BLM: variants seen among roughly 807,000 people sequenced by gnomAD.
The protein encoded by BLM is BLM RecQ like helicase.
BLM carries 95 observed loss-of-function variants against 135.3 expected under a neutral mutation model. The ratio of observed to expected loss-of-function variants is 0.70; its 90% CI spans 0.59 to 0.83. The LOEUF (loss-of-function observed/expected upper bound fraction) is 0.83, where lower values mean the gene tolerates loss of function less well. BLM is among the 40% of genes least tolerant of loss of function. BLM has a pLI of 0.00. For missense variants in BLM, 1,518 were observed against 1,663.9 expected (o/e 0.91, Z 1.53); for synonymous variants, 520 against 589.2 (o/e 0.88, Z 1.70).
chr15:90,794,319 C>G lies in BLM; in HGVS notation c.3172C>G (p.His1058Asp), dbSNP rs1351087442. 1.9e-6 allele frequency: 3 copies of G among 1,604,250 alleles called. No individual in the cohort carries two copies. The highest frequency in any genetic ancestry group is 2.6e-6 in the Non-Finnish European group (3 of 1,175,526). ...ATTTAATCCTGATTTTTGTAAGAAA[C>G]ACCCAGATGTTTCTTGTGATAATTG... ...NGFNPDFCKK[H>D]PDVSCDNCCK... The change falls in exon 16 of 22, where the codon CAC (histidine) becomes GAC (aspartate). Residue 1058 changes from histidine (H) to aspartate (D), a missense_variant. Physicochemically the swap from His to Asp is moderately conservative, Grantham distance 81 (BLOSUM62 -1). Transcript: ENST00000355112.
At position 90,769,175 on chromosome 15, in the gene BLM, T is replaced by A. The variant is rs779746222; in HGVS notation, c.2350T>A (p.Tyr784Asn). 1.2e-6 allele frequency: 2 copies of A among 1,613,706 alleles called. No individual in the cohort carries two copies. The highest frequency in any genetic ancestry group is 4.5e-5 in the East Asian group (2 of 44,880). Residue 784 changes from tyrosine (Y) to asparagine (N), a missense_variant, in exon 11 of 22, where the codon TAT (tyrosine) becomes AAT (asparagine). Physicochemically the swap from Tyr to Asn is moderately radical, Grantham distance 143. This residue lies in a region of BLM where 626 missense variants were observed against 681.1 expected (regional missense o/e 0.92). Transcript: ENST00000355112. Reference protein sequence around the residue: ...NRLISTLENLYERKLLARFVI... With the variant: ...NRLISTLENLNERKLLARFVI... ...ACTCATTTCTACTCTGGAGAATCTC[T>A]ATGAGAGGAAGCTCTTGGCACGTTT...
At chr15:90,779,814 C>G (rs1031831248) in intron 12 of BLM, among the ~76,000 whole-genome samples, 6 of 152,158 alleles carry the variant, frequency 3.9e-5, no homozygotes, top group African/African-American at 1.4e-4. Context: ...CCTAGTTATT[C>G]TTCACCCTTA....
intron 17 of BLM, among the ~76,000 whole-genome samples, chr15:90,801,156 A>T (rs1224168056): frequency 1.8e-5 from 1 of 56,516 alleles, no homozygotes; most frequent in Non-Finnish European, 5.1e-5. Context: ...CTCAAAAAAA[A>T]AAAAGTTGTA....
At position 90,776,288 on chromosome 15, in the gene BLM, G is replaced by A. The variant is rs80265824; in HGVS notation, c.2556-6534G>A. On this transcript the variant is annotated intron_variant, in intron 12 of 21. Coordinates refer to ENST00000355112, the MANE Select transcript of BLM (RefSeq NM_000057.4). ...TCTGGGAAAATAAGCAAGATCAATCGTTATTCACTTTACTTTTTCTAGGAA... is the reference window on the plus strand; with the variant it reads ...TCTGGGAAAATAAGCAAGATCAATCATTATTCACTTTACTTTTTCTAGGAA... 7.8e-3 allele frequency among the ~76,000 whole-genome samples: 1,193 copies of A among 152,118 alleles called. 18 individuals carry two copies. Among genetic ancestry groups the A allele is most frequent in the African/African-American group, 0.027 (1,136 of 41,480 alleles).
At chr15:90,766,191 A>G (rs1276213189) in intron 9 of BLM, among the ~76,000 whole-genome samples, 1 of 152,162 alleles carries the variant, frequency 6.6e-6, no homozygotes, top group Non-Finnish European at 1.5e-5. Context: ...TTTCTTCCAA[A>G]GAATGTCTTA....
chr15:90,787,813 G>A (rs1021977981), intron 14 of BLM, among the ~76,000 whole-genome samples: 6 of 152,074 alleles, frequency 3.9e-5, no homozygotes, highest in African/African-American at 1.4e-4. Flanking sequence ...AGCCGGACGT[G>A]GTGATGGGCA....
At chr15:90,799,910 T>A (rs1443607724) in intron 17 of BLM, among the ~76,000 whole-genome samples, 1 of 152,144 alleles carries the variant, frequency 6.6e-6, no homozygotes, top group Admixed American at 6.6e-5. Context: ...GGGGCACTTA[T>A]GGAAAAACAA....
At chr15:90,750,760 T>A (rs1365313802) in intron 3 of BLM, among the ~76,000 whole-genome samples, 1 of 152,252 alleles carries the variant, frequency 6.6e-6, no homozygotes, top group African/African-American at 2.4e-5. Context: ...ATAATTGTGC[T>A]ATTTCATTAG....
At chr15:90,766,239 A>G (rs1896122916) in intron 9 of BLM, among the ~76,000 whole-genome samples, 1 of 152,196 alleles carries the variant, frequency 6.6e-6, no homozygotes, top group African/African-American at 2.4e-5. Context: ...CATTTGTCAT[A>G]TTATGGCCCC....
At chr15:90,775,759 G>T (rs948200290) in intron 12 of BLM, among the ~76,000 whole-genome samples, 1 of 151,934 alleles carries the variant, frequency 6.6e-6, no homozygotes, top group Admixed American at 6.6e-5. Flanking sequence ...TGATCCACCC[G>T]CCCCAGCCTC....
chr15:90,718,681 A>G (rs1472830361), intron 1 of BLM, among the ~76,000 whole-genome samples: 1 of 152,224 alleles, frequency 6.6e-6, no homozygotes, highest in African/African-American at 2.4e-5. Flanking sequence ...GTCACTTTCA[A>G]TGCCACTCAC....
intron 12 of BLM, among the ~76,000 whole-genome samples, chr15:90,781,471 C>G (rs957709628): frequency 3.9e-5 from 6 of 151,956 alleles, no homozygotes; most frequent in African/African-American, 9.7e-5. Flanking sequence ...CTAAAAATAA[C>G]AAAAATGAGC....
At chr15:90,766,097 A>AC (rs1896118943) in intron 9 of BLM, among the ~76,000 whole-genome samples, 1 of 152,114 alleles carries the variant, frequency 6.6e-6, no homozygotes, top group African/African-American at 2.4e-5. Flanking sequence ...TGAAAGCGAG[A>AC]CCCCGACTCA....
intron 12 of BLM, among the ~76,000 whole-genome samples, chr15:90,775,500 T>A (rs55788089): frequency 0.099 from 14,725 of 148,340 alleles, 1,260 homozygotes; most frequent in African/African-American, 0.24. Context: ...TTTTTATTTT[T>A]TATATATATA....
At position 90,811,254 on chromosome 15, in the gene BLM, A is replaced by T. The variant is rs1019687102; in HGVS notation, c.3924A>T (p.Gly1308=). Residue 1308 remains glycine, a synonymous_variant, in exon 21 of 22, where the codon GGA becomes GGT. Transcript: ENST00000355112. ...GISLSSSRGP[G]RSAAEELDEE... ...GCCTGTCCAGCAGCAGAGGCCCCGG[A>T]AGAAGTGCCGCTGAGGAGCTCGACG... The T allele has an allele frequency of 2.5e-6, 4 of 1,614,018 alleles. No individual in the cohort carries two copies. The highest frequency in any genetic ancestry group is 1.3e-5 in the African/African-American group (1 of 74,926).
Position 90,749,997 on chromosome 15 carries a change from T to C in BLM, c.729T>C (p.Ile243=). 1 of 1,614,248 alleles carries C rather than the reference T, an allele frequency of 6.2e-7. No individual in the cohort carries two copies. The highest frequency in any genetic ancestry group is 1.1e-5 in the South Asian group (1 of 91,086). ...SDVICIDDGP[I]AEVHINEDAQ... is the part of the protein sequence containing the mutation. ...TGATTTGCATCGATGATGGCCCCAT[T>C]GCTGAAGTGCATATAAATGAAGATG... is the stretch of plus-strand genomic sequence containing the variant. The change falls in exon 3 of 22, where the codon ATT becomes ATC. Residue 243 remains isoleucine (I), a synonymous_variant. Transcript: ENST00000355112.
chr15:90,804,414 A>T, intron 19 of BLM, 55 bp downstream of exon 19: 1 of 1,530,550 alleles, frequency 6.5e-7, no homozygotes, highest in Non-Finnish European at 9.0e-7. Context: ...CCGAAAGTTA[A>T]TCTTGCTAGG....
In BLM at chr15:90,778,348, G is replaced by C. The variant is rs143599798; in HGVS notation, c.2556-4474G>C. ...TTTAAGAAATTCAGATTATGTGCCA[G>C]ATGTTTTTAGTAACAGCTTTGTTGC... is the stretch of plus-strand genomic sequence containing the variant. On this transcript the variant is annotated intron_variant, in intron 12 of 21. Transcript: ENST00000355112. 7.2e-5 allele frequency among the ~76,000 whole-genome samples: 11 copies of C among 152,314 alleles called. No homozygotes were observed. In the East Asian group the frequency reaches 2.1e-3, roughly 29 times the overall value.
chr15:90,808,349 G>A (rs1243076309), intron 19 of BLM, among the ~76,000 whole-genome samples: 1 of 152,144 alleles, frequency 6.6e-6, no homozygotes, highest in African/African-American at 2.4e-5. Context: ...CATAGGAATG[G>A]TTACTCCCTC....
Sources: gnomAD v4.1 joint callset for allele counts (sites outside exome capture counted in the v4.1 genomes callset) on GRCh38, gnomAD v4.1.1 for gene constraint, gnomAD v4.1.1 regional missense constraint, MANE v1.5 for transcripts, NCBI Gene and HGNC (gene_info 2026-07-23, HGNC 2026-07-21) for gene names.